ADAMTS14: variants seen among roughly 807,000 people sequenced by gnomAD.
ADAMTS14 encodes the protein A disintegrin and metalloproteinase with thrombospondin motifs 14.
In ADAMTS14, 100 loss-of-function variants were observed where a neutral mutation model predicts 128.6. The observed-to-expected ratio is 0.78, with a 90% CI of 0.66 to 0.92. ADAMTS14 has a LOEUF of 0.92. Ranked by LOEUF, ADAMTS14 falls within the 40% of genes least tolerant of loss-of-function variation. The pLI, the probability that ADAMTS14 is intolerant of heterozygous loss-of-function variation, is 0.00. For missense variants in ADAMTS14, 1,562 were observed against 1,658.6 expected (o/e 0.94, Z 1.01); for synonymous variants, 665 against 653.8 (o/e 1.02, Z -0.26).
intron 2 of ADAMTS14, among the ~76,000 whole-genome samples, chr10:70,700,464 T>C (rs1840460330): frequency 6.6e-6 from 1 of 152,080 alleles, no homozygotes; most frequent in African/African-American, 2.4e-5. Flanking sequence ...GAGAATCTCC[T>C]TGTCTCTGGT....
intron 2 of ADAMTS14, among the ~76,000 whole-genome samples, chr10:70,693,793 C>T (rs1840256255): frequency 6.6e-6 from 1 of 152,214 alleles, no homozygotes; most frequent in Non-Finnish European, 1.5e-5. Flanking sequence ...GAGGTCATGA[C>T]CTTGGGAACT....
Position 70,751,488 on chromosome 10 carries a change from C to T in ADAMTS14, c.2438C>T (p.Pro813Leu). Reference protein sequence around the residue: ...PEAIAILALPPTEGGPRSSLA... With the variant: ...PEAIAILALPLTEGGPRSSLA... ...CCCATCTCCCCTCAGGCTCTCCCCC[C>T]AACTGAGGGTGGCCCCCGCAGCAGC... The change falls in exon 17 of 22, where the codon CCA becomes CTA. Residue 813 changes from proline to leucine, a missense_variant. Transcript: ENST00000373207. 1.9e-6 allele frequency: 3 copies of T among 1,605,144 alleles called. No homozygotes were observed. Among genetic ancestry groups the T allele is most frequent in the Non-Finnish European group, 2.6e-6 (3 of 1,172,534 alleles).
intron 13 of ADAMTS14, among the ~76,000 whole-genome samples, 154 bp downstream of exon 13, chr10:70,743,835 T>C (rs1842084632): frequency 6.6e-6 from 1 of 152,164 alleles, no homozygotes; most frequent in Non-Finnish European, 1.5e-5. Flanking sequence ...TGGAAGGGGC[T>C]AATTATTGCT....
intron 1 of ADAMTS14, among the ~76,000 whole-genome samples, chr10:70,673,952 C>T (rs1014057982): frequency 1.2e-4 from 18 of 152,196 alleles, no homozygotes; most frequent in Admixed American, 9.8e-4. Flanking sequence ...GCTTGGGGCT[C>T]GGCCATACAG....
At chr10:70,716,286 C>T (rs943984517) in intron 4 of ADAMTS14, among the ~76,000 whole-genome samples, 3 of 152,164 alleles carry the variant, frequency 2.0e-5, no homozygotes, top group Admixed American at 1.3e-4. Context: ...AAAGGGCCTG[C>T]GATGGGTGAG....
Position 70,674,589 on chromosome 10 carries a change from G to A in ADAMTS14, c.116G>A (p.Gly39Asp). Reference sequence around the variant, plus strand: ...CTCTCTGGAAAGCTCAGTGACTATGGTGTGACAGTGCCCTGCAGCACAGAC... The same window carrying A: ...CTCTCTGGAAAGCTCAGTGACTATGATGTGACAGTGCCCTGCAGCACAGAC... ...LHLSGKLSDY[G>D]VTVPCSTDFR... Residue 39 changes from glycine to aspartate, a missense_variant, in exon 2 of 22, where the codon GGT (glycine) becomes GAT (aspartate). Coordinates refer to ENST00000373207, the MANE Select transcript of ADAMTS14 (RefSeq NM_080722.4). 1 of 1,613,866 alleles carries A rather than the reference G, an allele frequency of 6.2e-7. No individual in the cohort carries two copies. The highest frequency in any genetic ancestry group is 1.1e-5 in the South Asian group (1 of 91,060).
chr10:70,735,941 G>A lies in ADAMTS14; in HGVS notation c.1485+640G>A, dbSNP rs1044774264. 2.0e-5 allele frequency among the ~76,000 whole-genome samples: 3 copies of A among 152,196 alleles called. No individual in the cohort carries two copies. The East Asian group carries it at 5.8e-4, about 29-fold the overall frequency. On this transcript the variant is annotated intron_variant, in intron 9 of 21. Transcript: ENST00000373207. ...TGAAGGGGGCAGGCCTTGGGGACCT[G>A]AGTGCTTCATACTACCCATCAGGGA...
At chr10:70,739,862 A>G (rs1206925730) in intron 11 of ADAMTS14, among the ~76,000 whole-genome samples, 1 of 152,256 alleles carries the variant, frequency 6.6e-6, no homozygotes, top group East Asian at 1.9e-4. Context: ...TAGAGAATAT[A>G]GCCGTATAGT....
At position 70,744,262 on chromosome 10, in the gene ADAMTS14, T is replaced by C. The variant is rs963052613; in HGVS notation, c.2182+73T>C. 8.3e-6 allele frequency: 12 copies of C among 1,446,842 alleles called. 1 individual carries two copies. The African/African-American group carries it at 1.0e-4, about 12-fold the overall frequency. 89.6% of individuals were successfully genotyped at this position (1,446,842 alleles called of 1,614,324 possible). ...TTGCCGTCCCTCAGGGGGCCCTCCCTCCTTGAACTGTGCCACAGTCTGGGG... is the reference window on the plus strand; with the variant it reads ...TTGCCGTCCCTCAGGGGGCCCTCCCCCCTTGAACTGTGCCACAGTCTGGGG... On this transcript the variant is annotated intron_variant, in intron 14 of 21. Transcript: ENST00000373207.
At chr10:70,704,626 A>G (rs888266594) in intron 3 of ADAMTS14, among the ~76,000 whole-genome samples, 3 of 147,118 alleles carry the variant, frequency 2.0e-5, no homozygotes, top group Non-Finnish European at 4.5e-5. Flanking sequence ...ACGATCACAC[A>G]TAGACACACA....
intron 4 of ADAMTS14, among the ~76,000 whole-genome samples, chr10:70,711,786 C>T (rs16927814): frequency 0.07 from 10,695 of 152,078 alleles, 494 homozygotes; most frequent in East Asian, 0.16. Context: ...AACGTGGAGG[C>T]GAATGGTATC....
At chr10:70,683,764 T>G (rs1303205482) in intron 2 of ADAMTS14, among the ~76,000 whole-genome samples, 1 of 152,200 alleles carries the variant, frequency 6.6e-6, no homozygotes, top group Admixed American at 6.5e-5. Context: ...TGGGCTGGGC[T>G]GGAAGGCCCA....
At chr10:70,743,985 G>T in intron 13 of ADAMTS14, 81 bp from the exon 14 acceptor site, 2 of 1,509,916 alleles carry the variant, frequency 1.3e-6, no homozygotes, top group South Asian at 1.3e-5. Context: ...CCTGACCAGG[G>T]CCTGGGGATG....
At chr10:70,702,668 C>A (rs1368452378) in intron 3 of ADAMTS14, among the ~76,000 whole-genome samples, 200 bp downstream of exon 3, 1 of 152,182 alleles carries the variant, frequency 6.6e-6, no homozygotes, top group African/African-American at 2.4e-5. Context: ...GAGCTAGGGG[C>A]CAGAGGAGTC....
intron 15 of ADAMTS14, among the ~76,000 whole-genome samples, chr10:70,747,706 T>C (rs1440056714): frequency 6.6e-6 from 1 of 152,114 alleles, no homozygotes; most frequent in Non-Finnish European, 1.5e-5. Flanking sequence ...TGCTTGCCTG[T>C]TTGTCGGGTG....
At chr10:70,734,157 C>T in intron 8 of ADAMTS14, 129 bp downstream of exon 8, 1 of 1,233,556 alleles carries the variant, frequency 8.1e-7, no homozygotes, top group Non-Finnish European at 1.1e-6. Context: ...CATCTCGCCT[C>T]CCCGCCAAAC....
chr10:70,729,226 C>A, intron 4 of ADAMTS14, 68 bp from the exon 5 acceptor site: 1 of 1,340,400 alleles, frequency 7.5e-7, no homozygotes, highest in Non-Finnish European at 1.1e-6. Flanking sequence ...GTACCTACCC[C>A]AGTACCTGGC....
chr10:70,721,970 T>C (rs1172499743), intron 4 of ADAMTS14, among the ~76,000 whole-genome samples: 1 of 152,092 alleles, frequency 6.6e-6, no homozygotes, highest in Admixed American at 6.5e-5. Flanking sequence ...CTGGGAGGTG[T>C]CAATGGGAGG....
rs906111440 is a variant in ADAMTS14, at chr10:70,752,284, G to C, written c.2729+57G>C. 2.5e-6 allele frequency: 4 copies of C among 1,592,910 alleles called. No individual in the cohort carries two copies. The Admixed American group carries it at 6.9e-5, about 27-fold the overall frequency. On this transcript the variant is annotated intron_variant, in intron 18 of 21. Transcript: ENST00000373207. ...GGTTCTATGCCTAGCCCGGGCCCCAGGCAGCGGGGCTGCTGAGCCTGCTCC... is the reference window on the plus strand; with the variant it reads ...GGTTCTATGCCTAGCCCGGGCCCCACGCAGCGGGGCTGCTGAGCCTGCTCC...
Sources: allele counts gnomAD v4.1 joint callset (sites outside exome capture counted in the v4.1 genomes callset), GRCh38; gene constraint gnomAD v4.1.1; transcripts MANE v1.5; gene names NCBI Gene and HGNC (gene_info 2026-07-23, HGNC 2026-07-21).